The following CCDC93 variants were observed in gnomAD, a reference collection of about 807,000 sequenced individuals.
CCDC93 encodes coiled-coil domain-containing protein 93.
Under a neutral mutation model 108.2 loss-of-function variants are expected in CCDC93, and 61 were observed. The observed-to-expected ratio is 0.56, with a 90% CI of 0.46 to 0.70. The LOEUF (loss-of-function observed/expected upper bound fraction) is 0.70, where lower values mean the gene tolerates loss of function less well. Ranked by LOEUF, CCDC93 falls within the 30% of genes least tolerant of loss-of-function variation. CCDC93 has a pLI of 0.00. For synonymous variants in CCDC93, 276 were observed against 260.4 expected (o/e 1.06, Z -0.58); for missense variants, 685 against 764.2 (o/e 0.90, Z 1.22).
At chr2:117,971,041 T>C (rs1679743372) in intron 11 of CCDC93, among the ~76,000 whole-genome samples, 1 of 152,182 alleles carries the variant, frequency 6.6e-6, no homozygotes, top group Admixed American at 6.5e-5. Context: ...CTGCGCTGTA[T>C]TAACACATAA....
At position 117,917,732 on chromosome 2, in the gene CCDC93, C is replaced by G. The variant is rs1231342009; in HGVS notation, c.*2611G>C. The G allele has an allele frequency of 2.6e-5, 4 of 152,320 alleles. No individual in the cohort carries two copies. Among genetic ancestry groups the G allele is most frequent in the Non-Finnish European group, 5.9e-5 (4 of 68,118 alleles). The allele number at this position is 152,320 out of a possible 1,614,324, so 9.4% of individuals were successfully genotyped here. A position where few individuals can be genotyped will look rare whatever the true frequency, so the allele number is the denominator to read the frequency against. Reference sequence around the variant, plus strand: ...AAATGTCCTAGCATCTCCCCACGCACCTCGTGATCACGCAATCTTGTCCTG... The same window carrying G: ...AAATGTCCTAGCATCTCCCCACGCAGCTCGTGATCACGCAATCTTGTCCTG... On this transcript the variant is annotated 3_prime_UTR_variant, in exon 24 of 24. Coordinates refer to ENST00000376300, the MANE Select transcript of CCDC93 (RefSeq NM_019044.5).
At chr2:117,996,981 T>A (rs1422561701) in intron 4 of CCDC93, 2 of 152,284 alleles carry the variant, frequency 1.3e-5, no homozygotes, top group Non-Finnish European at 2.9e-5. Context: ...CAATGTCGGA[T>A]GGTACTGGCT....
chr2:117,922,784 T>C (rs1046315486), intron 23 of CCDC93, among the ~76,000 whole-genome samples: 14 of 152,154 alleles, frequency 9.2e-5, no homozygotes, highest in African/African-American at 3.1e-4. Flanking sequence ...CCACCCTGGA[T>C]GAAAGTACAA....
intron 23 of CCDC93, among the ~76,000 whole-genome samples, chr2:117,920,754 G>A (rs1299733022): frequency 6.6e-6 from 1 of 152,180 alleles, no homozygotes; most frequent in African/African-American, 2.4e-5. Context: ...GAAAGGCTTT[G>A]GAGACAGCAG....
intron 7 of CCDC93, among the ~76,000 whole-genome samples, chr2:117,981,635 A>G (rs967867368): frequency 3.9e-5 from 6 of 152,200 alleles, no homozygotes; most frequent in African/African-American, 1.4e-4. Context: ...AAATATAAAG[A>G]AGGACACACA....
intron 14 of CCDC93, 101 bp downstream of exon 14, chr2:117,949,221 C>T: frequency 1.2e-6 from 1 of 805,514 alleles, no homozygotes; most frequent in Non-Finnish European, 2.1e-6. Flanking sequence ...AGACCAATAG[C>T]CTTTGGCTGC....
chr2:117,979,313 G>A (rs772809764), intron 7 of CCDC93, among the ~76,000 whole-genome samples: 10 of 152,082 alleles, frequency 6.6e-5, no homozygotes, highest in Non-Finnish European at 1.3e-4. Context: ...TGAACAGAGA[G>A]CTCTGCACAA....
chr2:117,929,855 C>T (rs1348866163), intron 23 of CCDC93, among the ~76,000 whole-genome samples: 1 of 152,190 alleles, frequency 6.6e-6, no homozygotes, highest in Non-Finnish European at 1.5e-5. Context: ...GTCCTGCTCA[C>T]CCTAGAGGGC....
At chr2:117,936,607 A>G (rs1196184261) in intron 21 of CCDC93, 95 bp downstream of exon 21, 5 of 967,166 alleles carry the variant, frequency 5.2e-6, no homozygotes, top group East Asian at 4.8e-5. Context: ...TCTTGCATGT[A>G]CCTTTGTCAA....
chr2:117,974,866 G>A lies in CCDC93; in HGVS notation c.785C>T (p.Ala262Val). ...RIQSLMTKMT[A>V]MANEESRLTA... ...CCCACTCACCTCCTCATTTGCCATA[G>A]CGGTCATCTTGGTCATCAGCGACTG... is the stretch of plus-strand genomic sequence containing the variant. The change falls in exon 10 of 24, where the codon GCT becomes GTT. Residue 262 changes from alanine to valine, a missense_variant. Ala to Val is a moderately conservative substitution (Grantham distance 64). Coordinates refer to ENST00000376300, the MANE Select transcript of CCDC93 (RefSeq NM_019044.5). 6.4e-7 allele frequency: 1 copy of A among 1,571,950 alleles called. No homozygotes were observed. The highest frequency in any genetic ancestry group is 8.6e-7 in the Non-Finnish European group (1 of 1,157,812).
chr2:117,920,422 G>T (rs1386313260), intron 23 of CCDC93, 26 bp from the exon 24 acceptor site: 2 of 1,577,572 alleles, frequency 1.3e-6, no homozygotes, highest in Non-Finnish European at 1.7e-6. Flanking sequence ...AGAGTATAGA[G>T]AGAGTGGTGA....
intron 11 of CCDC93, among the ~76,000 whole-genome samples, chr2:117,963,138 G>T (rs1679447339): frequency 6.6e-6 from 1 of 152,142 alleles, no homozygotes; most frequent in African/African-American, 2.4e-5. Context: ...TAAGGGATAT[G>T]GGGCTCACAG....
intron 6 of CCDC93, among the ~76,000 whole-genome samples, chr2:117,992,160 G>A (rs1426507520): frequency 6.6e-6 from 1 of 152,192 alleles, no homozygotes; most frequent in Non-Finnish European, 1.5e-5. Flanking sequence ...CCAATCAACT[G>A]AGGATTAAGT....
chr2:117,931,783 T>A (rs1013122818), intron 22 of CCDC93: 1 of 152,214 alleles, frequency 6.6e-6, no homozygotes, highest in Non-Finnish European at 1.5e-5. Flanking sequence ...GGTAGACAAT[T>A]TAGGATATTT....
At chr2:117,922,575 G>A (rs1677907524) in intron 23 of CCDC93, among the ~76,000 whole-genome samples, 2 of 152,204 alleles carry the variant, frequency 1.3e-5, no homozygotes, top group Non-Finnish European at 2.9e-5. Context: ...TTAACGTGGG[G>A]TAAATCAAAC....
intron 11 of CCDC93, among the ~76,000 whole-genome samples, chr2:117,969,114 C>A (rs1679679960): frequency 2.0e-5 from 3 of 152,130 alleles, no homozygotes; most frequent in Non-Finnish European, 4.4e-5. Flanking sequence ...CAGAATACAC[C>A]ACAGAGAAAA....
chr2:117,949,843 A>G (rs1343407289), intron 13 of CCDC93: 2 of 985,330 alleles, frequency 2.0e-6, no homozygotes, highest in Non-Finnish European at 1.2e-6. Flanking sequence ...GTTTAACCTC[A>G]CAGGCCAAAA....
At chr2:118,001,004 C>A (rs938993695) in intron 3 of CCDC93, 72 bp from the exon 4 acceptor site, 2 of 896,552 alleles carry the variant, frequency 2.2e-6, no homozygotes, top group Non-Finnish European at 3.7e-6. Context: ...AAAGTCTGGG[C>A]AGCATCACAG....
intron 1 of CCDC93, chr2:118,008,877 C>T: frequency 1.9e-6 from 1 of 516,960 alleles, no homozygotes; most frequent in Non-Finnish European, 3.5e-6. Flanking sequence ...GGCTGTTAAT[C>T]TTCATAGCTG....
Sources: gnomAD v4.1 joint callset for allele counts (sites outside exome capture counted in the v4.1 genomes callset) on GRCh38, gnomAD v4.1.1 for gene constraint, MANE v1.5 for transcripts, NCBI Gene and HGNC (gene_info 2026-07-23, HGNC 2026-07-21) for gene names.